NBAS: variants seen among roughly 807,000 people sequenced by gnomAD.
The protein encoded by NBAS is NBAS subunit of NRZ tethering complex.
NBAS carries 219 observed loss-of-function variants against 302.5 expected under a neutral mutation model. The observed-to-expected ratio is 0.72, with a 90% confidence interval of 0.65 to 0.81. The LOEUF (loss-of-function observed/expected upper bound fraction) is 0.81. Ranked by LOEUF, NBAS falls within the 30% of genes least tolerant of loss-of-function variation. The probability of loss-of-function intolerance (pLI) is 0.00; values close to 1 mark genes in which losing one functional copy is unlikely to be tolerated. For missense variants in NBAS, 2,932 were observed against 2,841.6 expected, an observed-to-expected ratio of 1.03 and a Z score of -0.72; for synonymous variants, 1,118 against 1,021.6, an observed-to-expected ratio of 1.09 and a Z score of -1.80.
At chr2:15,210,033 A>G (rs986404778) in intron 48 of NBAS, among the ~76,000 whole-genome samples, 71 of 152,232 alleles carry the variant, frequency 4.7e-4, no homozygotes, top group African/African-American at 1.5e-3. Context: ...AAAAGGAAAC[A>G]TTGAGGAAAC....
intron 2 of NBAS, among the ~76,000 whole-genome samples, chr2:15,557,824 C>G (rs1394585166): frequency 1.3e-5 from 2 of 152,082 alleles, no homozygotes; most frequent in African/African-American, 4.8e-5. Flanking sequence ...ATGGTAAACC[C>G]GTCATGGCAC....
At chr2:15,046,844 C>T in the NBAS span, among the ~76,000 whole-genome samples, 4 of 152,230 alleles carry the variant, frequency 2.6e-5, no homozygotes, top group East Asian at 7.7e-4. Context: ...AATACTGTGC[C>T]TTCAAGGGTC....
intron 44 of NBAS, among the ~76,000 whole-genome samples, chr2:15,243,363 G>A (rs1667947916): frequency 6.6e-6 from 1 of 152,078 alleles, no homozygotes; most frequent in Admixed American, 6.5e-5. Context: ...AGGAGAACAT[G>A]GGGCCCAGAT....
chr2:15,351,335 T>C lies in NBAS; in HGVS notation c.4179+657A>G, dbSNP rs545791842. 2.0e-5 allele frequency among the ~76,000 whole-genome samples: 3 copies of C among 152,240 alleles called. No homozygotes were observed. The South Asian group carries it at 6.2e-4, about 32-fold the overall frequency. Reference sequence around the variant, plus strand: ...AGTCACAAAGATCTGGTTATCAGGATTAGTCAGGACAGTGGTGATCTCTGG... The same window carrying C: ...AGTCACAAAGATCTGGTTATCAGGACTAGTCAGGACAGTGGTGATCTCTGG... On this transcript the variant is annotated intron_variant, in intron 35 of 51. Coordinates refer to ENST00000281513, the MANE Select transcript of NBAS (RefSeq NM_015909.4).
In NBAS at chr2:15,312,794, C is replaced by T. The variant is rs561416683; in HGVS notation, c.4583-3547G>A. Among the ~76,000 whole-genome samples the T allele has an allele frequency of 3.9e-5, 6 of 152,302 alleles. 1 individual carries two copies. In the South Asian group the frequency reaches 6.2e-4, roughly 16 times the overall value. On this transcript the variant is annotated intron_variant, in intron 38 of 51. Coordinates refer to ENST00000281513, the MANE Select transcript of NBAS (RefSeq NM_015909.4). Reference sequence around the variant, plus strand: ...CTTAACACCACAGAGTCATCTTGGACTTCATCCTCTCCTCTGCTGCCAGCA... The same window carrying T: ...CTTAACACCACAGAGTCATCTTGGATTTCATCCTCTCCTCTGCTGCCAGCA...
At chr2:15,456,053 T>C (rs556770936) in intron 21 of NBAS, among the ~76,000 whole-genome samples, 105 of 152,226 alleles carry the variant, frequency 6.9e-4, no homozygotes, top group African/African-American at 2.4e-3. Context: ...GAATATAAAA[T>C]GTAAACATTT....
the NBAS span, among the ~76,000 whole-genome samples, chr2:15,156,049 G>A: frequency 6.6e-6 from 1 of 152,176 alleles, no homozygotes; most frequent in African/African-American, 2.4e-5. Flanking sequence ...AATCTCACTA[G>A]AGACTTGACG....
the NBAS span, among the ~76,000 whole-genome samples, chr2:15,121,411 G>A: frequency 1.3e-5 from 2 of 152,296 alleles, no homozygotes; most frequent in African/African-American, 4.8e-5. Context: ...AAGGCAGACT[G>A]ATGATGGCTC....
chr2:15,167,024 A>G lies in NBAS; in HGVS notation c.*24T>C. ...TTCAACTCCAGATGCTTTTTCTGCT[A>G]AGGAGCAGGGCCACAGGTGGCCCTC... On this transcript the variant is annotated 3_prime_UTR_variant, in exon 52 of 52. Transcript: ENST00000281513. 4.6e-6 allele frequency: 7 copies of G among 1,509,146 alleles called. No homozygotes were observed. The highest frequency in any genetic ancestry group is 6.2e-6 in the Non-Finnish European group (7 of 1,128,006). The allele number at this position is 1,509,146 out of a possible 1,614,324, so 93.5% of individuals were successfully genotyped here. A position where few individuals can be genotyped will look rare whatever the true frequency, so the allele number is the denominator to read the frequency against.
chr2:14,825,446 C>T, the NBAS span, among the ~76,000 whole-genome samples: 1 of 152,144 alleles, frequency 6.6e-6, no homozygotes, highest in African/African-American at 2.4e-5. Flanking sequence ...AAAATTTCAC[C>T]AGAAGGGAGC....
At chr2:15,559,517 A>C (rs1275497267) in intron 1 of NBAS, among the ~76,000 whole-genome samples, 1 of 152,254 alleles carries the variant, frequency 6.6e-6, no homozygotes, top group African/African-American at 2.4e-5. Context: ...ACATACAGTA[A>C]GTGTAGACAG....
chr2:15,345,561 G>A (rs778169386), intron 35 of NBAS, among the ~76,000 whole-genome samples: 10 of 152,108 alleles, frequency 6.6e-5, no homozygotes, highest in Non-Finnish European at 1.3e-4. Flanking sequence ...TCAATGTATC[G>A]TGAAAGTGGC....
At chr2:14,793,339 T>C in the NBAS span, among the ~76,000 whole-genome samples, 1 of 152,042 alleles carries the variant, frequency 6.6e-6, no homozygotes. Flanking sequence ...CTTTTTTAAC[T>C]AAAGAAAAAT....
chr2:15,168,042 C>G lies in NBAS; in HGVS notation c.6841-719G>C, dbSNP rs150787998. On this transcript the variant is annotated intron_variant, in intron 51 of 51. Transcript: ENST00000281513. ...TAGGTTCTTTCAGTTTGCGTATTCT[C>G]TTTCTCCCTGGTCTTGTCTTCTAAA... Among the ~76,000 whole-genome samples, 526 of 152,246 alleles carry G rather than the reference C, an allele frequency of 3.5e-3. 4 individuals carry two copies. The highest frequency in any genetic ancestry group is 0.011 in the African/African-American group (473 of 41,554).
intron 6 of NBAS, among the ~76,000 whole-genome samples, chr2:15,549,456 C>T (rs1473910671): frequency 6.6e-6 from 1 of 152,180 alleles, no homozygotes; most frequent in Non-Finnish European, 1.5e-5. Context: ...AGGCTGAGCA[C>T]AGTGGCTCAT....
At chr2:14,801,660 G>A in the NBAS span, among the ~76,000 whole-genome samples, 1 of 151,588 alleles carries the variant, frequency 6.6e-6, no homozygotes, top group Admixed American at 6.6e-5. Flanking sequence ...TTTATTATGG[G>A]TTATATTTTT....
chr2:15,490,143 C>G (rs537179108), intron 11 of NBAS, among the ~76,000 whole-genome samples: 66 of 152,228 alleles, frequency 4.3e-4, no homozygotes, highest in African/African-American at 1.5e-3. Flanking sequence ...CATGACTATA[C>G]TGAAAATCAA....
chr2:15,515,514 C>T (rs1426289000), intron 9 of NBAS, among the ~76,000 whole-genome samples: 3 of 152,146 alleles, frequency 2.0e-5, no homozygotes, highest in Non-Finnish European at 4.4e-5. Flanking sequence ...GCAAGACTTT[C>T]TCAAAACAAA....
At chr2:15,383,817 C>T (rs1052020613) in intron 28 of NBAS, among the ~76,000 whole-genome samples, 4 of 152,132 alleles carry the variant, frequency 2.6e-5, no homozygotes, top group East Asian at 1.9e-4. Context: ...GGACAAGAAT[C>T]GCGGCTCACC....
Sources: allele counts gnomAD v4.1 joint callset (sites outside exome capture counted in the v4.1 genomes callset), GRCh38; gene constraint gnomAD v4.1.1; transcripts MANE v1.5; gene names NCBI Gene and HGNC (gene_info 2026-07-23, HGNC 2026-07-21).